Variants in FRMD5 observed in about 807,000 individuals in gnomAD.
FRMD5 encodes the protein FERM domain containing 5.
Under a neutral mutation model 69.0 loss-of-function variants are expected in FRMD5, and 20 were observed. That is an observed-to-expected ratio of 0.29 (90% CI 0.20 to 0.42). FRMD5 has a LOEUF of 0.42. Ranked by LOEUF, FRMD5 falls within the 10% of genes least tolerant of loss-of-function variation. FRMD5 has a pLI of 1.00. For synonymous variants in FRMD5, 271 were observed against 260.1 expected (o/e 1.04, Z -0.40); for missense variants, 595 against 708.6 (o/e 0.84, Z 1.82).
At chr15:44,162,862 C>T (rs541991631) in intron 1 of FRMD5, among the ~76,000 whole-genome samples, 133 of 110,438 alleles carry the variant, frequency 1.2e-3, no homozygotes, top group African/African-American at 4.6e-3. Context: ...AGCGAAACTC[C>T]GTCTCAAAAA....
chr15:44,081,629 T>C (rs1008181904), intron 1 of FRMD5, among the ~76,000 whole-genome samples: 5 of 152,084 alleles, frequency 3.3e-5, no homozygotes, highest in African/African-American at 1.2e-4. Context: ...AGAGGATTAA[T>C]AAAAAGAATT....
chr15:44,190,829 A>G (rs1478356890), intron 1 of FRMD5, among the ~76,000 whole-genome samples: 1 of 152,270 alleles, frequency 6.6e-6, no homozygotes, highest in Non-Finnish European at 1.5e-5. Context: ...TTATTGAATT[A>G]AAACTATGTA....
At chr15:43,887,511 T>G (rs989089621) in intron 10 of FRMD5, among the ~76,000 whole-genome samples, 1 of 152,220 alleles carries the variant, frequency 6.6e-6, no homozygotes, top group African/African-American at 2.4e-5. Context: ...GAATCCTTGG[T>G]TCTGGTATAA....
chr15:43,946,316 G>A (rs1417723630), intron 1 of FRMD5, among the ~76,000 whole-genome samples: 5 of 152,166 alleles, frequency 3.3e-5, no homozygotes, highest in Non-Finnish European at 5.9e-5. Flanking sequence ...TAGCATGACT[G>A]TAAATACTTA....
chr15:44,074,486 C>A (rs977621234), intron 1 of FRMD5, among the ~76,000 whole-genome samples: 1 of 151,640 alleles, frequency 6.6e-6, no homozygotes, highest in Non-Finnish European at 1.5e-5. Flanking sequence ...AAATGGAAAT[C>A]ACAGAGCTGA....
At chr15:44,120,680 G>A (rs1489389425) in intron 1 of FRMD5, among the ~76,000 whole-genome samples, 2 of 135,096 alleles carry the variant, frequency 1.5e-5, no homozygotes, top group Non-Finnish European at 3.1e-5. Context: ...CTGCCACCAC[G>A]CCCAGCTAAT....
chr15:44,195,211 A>C lies in FRMD5; in HGVS notation c.-157T>G. 3 of 550,094 alleles carry C rather than the reference A, an allele frequency of 5.5e-6. No homozygotes were observed. The highest frequency in any genetic ancestry group is 9.4e-6 in the Non-Finnish European group (3 of 318,358). The allele number at this position is 550,094 out of a possible 1,614,324, so 34.1% of individuals were successfully genotyped here. On this transcript the variant is annotated 5_prime_UTR_variant, in exon 1 of 14. Transcript: ENST00000417257. Reference sequence around the variant, plus strand: ...CCTGCTGGCCTCGTTCCTCCTCCTTATCCTCCTCCTTCCCTCAGCCGCCAC... The same window carrying C: ...CCTGCTGGCCTCGTTCCTCCTCCTTCTCCTCCTCCTTCCCTCAGCCGCCAC...
intron 2 of FRMD5, among the ~76,000 whole-genome samples, chr15:43,921,794 A>G (rs2140444699): frequency 6.6e-6 from 1 of 152,332 alleles, no homozygotes; most frequent in Middle Eastern, 3.4e-3. Flanking sequence ...GGCCAAGAGA[A>G]GGTGGAGGCC....
intron 1 of FRMD5, among the ~76,000 whole-genome samples, chr15:44,048,726 C>T (rs1015886256): frequency 4.6e-5 from 7 of 152,112 alleles, no homozygotes; most frequent in African/African-American, 1.7e-4. Context: ...GTGCTCACTA[C>T]CATGCCTGGC....
chr15:43,987,638 C>G (rs1889460431), intron 1 of FRMD5, among the ~76,000 whole-genome samples: 2 of 152,096 alleles, frequency 1.3e-5, no homozygotes, highest in South Asian at 4.1e-4. Context: ...TAACCTCAGC[C>G]TCCTGGGTTC....
rs1002117210 is a variant in FRMD5, at chr15:43,910,097, A to T, written c.330-118T>A. The T allele has an allele frequency of 1.3e-5, 7 of 553,578 alleles. No homozygotes were observed. In the African/African-American group the frequency reaches 1.3e-4, roughly 10 times the overall value. The allele number at this position is 553,578 out of a possible 1,614,324, so 34.3% of individuals were successfully genotyped here. A position where few individuals can be genotyped will look rare whatever the true frequency, so the allele number is the denominator to read the frequency against. ...GGATACTTTTACTACATTAAAAAAAAATCCTAAAACATAATGTAGAACAAA... is the reference window on the plus strand; with the variant it reads ...GGATACTTTTACTACATTAAAAAAATATCCTAAAACATAATGTAGAACAAA... On this transcript the variant is annotated intron_variant, in intron 4 of 13. Coordinates refer to ENST00000417257, the MANE Select transcript of FRMD5 (RefSeq NM_032892.5).
Position 44,136,243 on chromosome 15 carries a change from CA to C in FRMD5, c.102+58709del, listed in dbSNP as rs1355852025. On this transcript the variant is annotated intron_variant, in intron 1 of 13. Transcript: ENST00000417257. ...TTCACCATGTTGTCCACGGTGGTCACAAACTCCTGGGTTTAAGCAATCCACC... is the reference window on the plus strand; with the variant it reads ...TTCACCATGTTGTCCACGGTGGTCACAACTCCTGGGTTTAAGCAATCCACC... Among the ~76,000 whole-genome samples, 4 of 151,972 alleles carry C rather than the reference CA, an allele frequency of 2.6e-5. 1 individual carries two copies. The highest frequency in any genetic ancestry group is 9.7e-5 in the African/African-American group (4 of 41,400).
At chr15:43,877,020 C>T (rs969092268) in intron 13 of FRMD5, among the ~76,000 whole-genome samples, 1 of 152,194 alleles carries the variant, frequency 6.6e-6, no homozygotes, top group Admixed American at 6.5e-5. Flanking sequence ...CTCAACTGAA[C>T]AGCAGCCACC....
intron 1 of FRMD5, among the ~76,000 whole-genome samples, chr15:44,173,330 T>A (rs1321734778): frequency 1.3e-5 from 2 of 152,128 alleles, no homozygotes; most frequent in Non-Finnish European, 2.9e-5. Flanking sequence ...ATTTCATTTT[T>A]TCCATAGGAA....
chr15:44,084,751 G>C (rs1455925624), intron 1 of FRMD5, among the ~76,000 whole-genome samples: 3 of 151,936 alleles, frequency 2.0e-5, no homozygotes. Flanking sequence ...GGTATGTGTT[G>C]TATCTCAAAT....
chr15:44,021,737 C>T (rs1219538944), intron 1 of FRMD5, among the ~76,000 whole-genome samples: 12 of 151,914 alleles, frequency 7.9e-5, no homozygotes, highest in Admixed American at 5.9e-4. Flanking sequence ...ATGTTATGGT[C>T]GCTCCTCAAA....
At chr15:43,944,978 G>A (rs1235355732) in intron 1 of FRMD5, among the ~76,000 whole-genome samples, 1 of 149,610 alleles carries the variant, frequency 6.7e-6, no homozygotes, top group Non-Finnish European at 1.5e-5. Flanking sequence ...TTGATAGAGG[G>A]GGGGTTTCAC....
At chr15:44,013,561 T>A (rs1204183001) in intron 1 of FRMD5, among the ~76,000 whole-genome samples, 1 of 152,222 alleles carries the variant, frequency 6.6e-6, no homozygotes, top group Non-Finnish European at 1.5e-5. Flanking sequence ...GAATAAAGTG[T>A]AGGCCTATAC....
intron 1 of FRMD5, chr15:43,989,801 C>T (rs917015541): frequency 1.3e-5 from 14 of 1,039,436 alleles, no homozygotes; most frequent in South Asian, 5.0e-5. Flanking sequence ...GCTGGCCTGT[C>T]GAAGATCTCC....
Sources: allele counts gnomAD v4.1 joint callset (sites outside exome capture counted in the v4.1 genomes callset), GRCh38; gene constraint gnomAD v4.1.1; transcripts MANE v1.5; gene names NCBI Gene and HGNC (gene_info 2026-07-23, HGNC 2026-07-21).